Variants in LRP2 observed in about 807,000 individuals in gnomAD.
LRP2 encodes LDL receptor related protein 2.
In LRP2, 172 loss-of-function variants were observed where a neutral mutation model predicts 531.0. The ratio of observed to expected loss-of-function variants is 0.32; its 90% CI spans 0.29 to 0.37. The LOEUF (loss-of-function observed/expected upper bound fraction) is 0.37, where lower values mean the gene tolerates loss of function less well. Ranked by LOEUF, LRP2 falls within the 10% of genes least tolerant of loss-of-function variation. The pLI, the probability that LRP2 is intolerant of heterozygous loss-of-function variation, is 1.00. For synonymous variants in LRP2, 1,992 were observed against 2,027.6 expected (o/e 0.98, Z 0.47); for missense variants, 5,167 against 5,868.3 (o/e 0.88, Z 3.90).
chr2:169,340,665 AG>A, intron 1 of LRP2, among the ~76,000 whole-genome samples: 1 of 152,310 alleles, frequency 6.6e-6, no homozygotes. Context: ...GGGAGTCACC[AG>A]CAGAGGACTG....
chr2:169,203,491 T>G (rs865878530), intron 42 of LRP2, among the ~76,000 whole-genome samples: 1 of 152,362 alleles, frequency 6.6e-6, no homozygotes, highest in Middle Eastern at 3.4e-3. Flanking sequence ...CTGAGTGCTG[T>G]GGCTCACGCC....
Position 169,173,942 on chromosome 2 carries a change from G to A in LRP2, c.10991C>T (p.Ser3664Leu), listed in dbSNP as rs768603773. 8 of 1,614,132 alleles carry A rather than the reference G, an allele frequency of 5.0e-6. No individual in the cohort carries two copies. Among genetic ancestry groups the A allele is most frequent in the Admixed American group, 3.3e-5 (2 of 60,030 alleles). ...ACTGCATTCTTCAATGGGCTCATCC[G>A]AGTGGTCTCCACAATCATTATCCAC... ...CDVDNDCGDH[S>L]DEPIEECMSS... Residue 3664 changes from serine to leucine, a missense_variant, in exon 56 of 79, where the codon TCG becomes TTG. Physicochemically the swap from Ser to Leu is moderately radical, Grantham distance 145. Around this residue, in one of 6 missense-constraint regions of LRP2, gnomAD observed 311 missense variants for 309.4 expected, o/e 1.01. Coordinates refer to ENST00000649046, the MANE Select transcript of LRP2 (RefSeq NM_004525.3).
At chr2:169,238,855 C>T (rs1006140209) in intron 26 of LRP2, among the ~76,000 whole-genome samples, 4 of 152,178 alleles carry the variant, frequency 2.6e-5, no homozygotes, top group African/African-American at 9.7e-5. Flanking sequence ...TGACTAAGTT[C>T]TGACCAATAG....
At chr2:169,131,945 T>G (rs1411999793) in intron 77 of LRP2, among the ~76,000 whole-genome samples, 1 of 152,224 alleles carries the variant, frequency 6.6e-6, no homozygotes, top group Non-Finnish European at 1.5e-5. Flanking sequence ...GCAGACCAAA[T>G]AGTGTACCAA....
intron 62 of LRP2, among the ~76,000 whole-genome samples, chr2:169,163,226 T>A (rs1207742121): frequency 6.6e-6 from 1 of 152,124 alleles, no homozygotes; most frequent in East Asian, 1.9e-4. Context: ...AACCTGTCAA[T>A]CATGGAGCGA....
At chr2:169,225,124 T>A (rs1016994121) in intron 33 of LRP2, among the ~76,000 whole-genome samples, 186 bp downstream of exon 33, 12 of 151,914 alleles carry the variant, frequency 7.9e-5, no homozygotes, top group East Asian at 5.8e-4. Flanking sequence ...AAAATAAATT[T>A]AAAAAAAATT....
intron 49 of LRP2, 52 bp from the exon 50 acceptor site, chr2:169,186,071 A>C: frequency 1.4e-5 from 21 of 1,512,458 alleles, no homozygotes; most frequent in Non-Finnish European, 1.9e-5. Context: ...CGACCAACTC[A>C]CTATAATGGT....
chr2:169,335,596 CTT>C (rs1235372399), intron 1 of LRP2, among the ~76,000 whole-genome samples: 3 of 152,160 alleles, frequency 2.0e-5, no homozygotes, highest in Non-Finnish European at 4.4e-5. Context: ...AGGAGGATCT[CTT>C]AAGCTCAGGA....
At chr2:169,309,997 A>C (rs904695395) in intron 3 of LRP2, among the ~76,000 whole-genome samples, 13 of 152,108 alleles carry the variant, frequency 8.5e-5, no homozygotes, top group African/African-American at 3.1e-4. Flanking sequence ...TGTGAATGGG[A>C]ATTCACTCAT....
At chr2:169,274,950 C>A (rs1683513344) in intron 14 of LRP2, 86 bp downstream of exon 14, 2 of 1,282,676 alleles carry the variant, frequency 1.6e-6, no homozygotes, top group East Asian at 2.3e-5. Flanking sequence ...TCACATAAGA[C>A]CCCTCATTAT....
rs534048070 is a variant in LRP2 at position 169,147,036 on chromosome 2, C to A, written c.12591-77G>T. 1,340 of 1,129,534 alleles carry A rather than the reference C, an allele frequency of 1.2e-3. 1 individual carries two copies. Among genetic ancestry groups the A allele is most frequent in the Admixed American group, 1.8e-3 (89 of 50,612 alleles). The allele number at this position is 1,129,534 out of a possible 1,614,324, so 70.0% of individuals were successfully genotyped here. A position where few individuals can be genotyped will look rare whatever the true frequency, so the allele number is the denominator to read the frequency against. On this transcript the variant is annotated intron_variant, in intron 68 of 78. Coordinates refer to ENST00000649046, the MANE Select transcript of LRP2 (RefSeq NM_004525.3). ...ACTACAGCAGAGCACAGGGCATTACCTACAGGGAAACCAACTGTTTATCTC... is the reference window on the plus strand; with the variant it reads ...ACTACAGCAGAGCACAGGGCATTACATACAGGGAAACCAACTGTTTATCTC...
intron 34 of LRP2, among the ~76,000 whole-genome samples, chr2:169,216,758 C>T (rs1298298429): frequency 2.0e-5 from 3 of 151,982 alleles, no homozygotes; most frequent in Non-Finnish European, 4.4e-5. Flanking sequence ...ATCAATAATC[C>T]CTCCATCTTC....
intron 2 of LRP2, among the ~76,000 whole-genome samples, chr2:169,319,518 A>G (rs1368342366): frequency 1.3e-5 from 2 of 152,230 alleles, no homozygotes; most frequent in Non-Finnish European, 2.9e-5. Context: ...TCAATAAAAT[A>G]TAATACAGGT....
chr2:169,349,658 C>G (rs1685791580), intron 1 of LRP2, among the ~76,000 whole-genome samples: 1 of 152,114 alleles, frequency 6.6e-6, no homozygotes, highest in Non-Finnish European at 1.5e-5. Context: ...AGCCACCTGC[C>G]CAAGGTCGTG....
At chr2:169,319,977 CT>C (rs1684867311) in intron 2 of LRP2, among the ~76,000 whole-genome samples, 1 of 152,164 alleles carries the variant, frequency 6.6e-6, no homozygotes, top group South Asian at 2.1e-4. Flanking sequence ...AATTTTTCAC[CT>C]GCTTTCCTGA....
At position 169,353,054 on chromosome 2, in the gene LRP2, A is replaced by T. The variant is rs549651967; in HGVS notation, c.79+9267T>A. Reference sequence around the variant, plus strand: ...GAAAGTAAAATAAAATAAAATTTTTAAAAAACACAGATTTTCATACCCCTG... The same window carrying T: ...GAAAGTAAAATAAAATAAAATTTTTTAAAAACACAGATTTTCATACCCCTG... On this transcript the variant is annotated intron_variant, in intron 1 of 78. Coordinates refer to ENST00000649046, the MANE Select transcript of LRP2 (RefSeq NM_004525.3). Among the ~76,000 whole-genome samples, 248 of 152,314 alleles carry T rather than the reference A, an allele frequency of 1.6e-3. 3 individuals are homozygous for T. In the South Asian group the frequency reaches 0.048, roughly 29 times the overall value.
chr2:169,148,083 ATG>A (rs1429464619), intron 68 of LRP2, among the ~76,000 whole-genome samples: 1 of 152,236 alleles, frequency 6.6e-6, no homozygotes, highest in East Asian at 1.9e-4. Flanking sequence ...CTACTGACGA[ATG>A]TGTGGATTTT....
chr2:169,291,033 G>C, intron 7 of LRP2, 36 bp from the exon 8 acceptor site: 1 of 1,603,280 alleles, frequency 6.2e-7, no homozygotes, highest in Non-Finnish European at 8.5e-7. Context: ...CAGGCCATAG[G>C]GGAGGTACAG....
chr2:169,273,800 A>T (rs1390455674), intron 14 of LRP2, among the ~76,000 whole-genome samples: 3 of 152,190 alleles, frequency 2.0e-5, no homozygotes, highest in Non-Finnish European at 4.4e-5. Context: ...GGGAAACAAT[A>T]GGCAGATGTC....
Sources: allele counts gnomAD v4.1 joint callset (sites outside exome capture counted in the v4.1 genomes callset), GRCh38; gene constraint gnomAD v4.1.1; regional missense constraint gnomAD v4.1.1; transcripts MANE v1.5; gene names NCBI Gene and HGNC (gene_info 2026-07-23, HGNC 2026-07-21).